The following SRPK2 variants were observed in gnomAD, a reference collection of about 807,000 sequenced individuals.
The protein encoded by SRPK2 is SRSF protein kinase 2.
SRPK2 carries 21 observed loss-of-function variants against 90.8 expected under a neutral mutation model. The observed-to-expected ratio is 0.23, with a 90% confidence interval of 0.16 to 0.33. The LOEUF (loss-of-function observed/expected upper bound fraction) is 0.33, where lower values mean the gene tolerates loss of function less well. Among genes scored for constraint, SRPK2 ranks in the 10% least tolerant of loss-of-function variants. The pLI is 1.00. For missense variants in SRPK2, 620 were observed against 869.0 expected (o/e 0.71, Z 3.60); for synonymous variants, 288 against 311.1 (o/e 0.93, Z 0.78).
chr7:105,135,542 G>A (rs780882406), intron 11 of SRPK2, among the ~76,000 whole-genome samples: 45 of 152,222 alleles, frequency 3.0e-4, no homozygotes, highest in Admixed American at 5.9e-4. Flanking sequence ...TAGACATATT[G>A]TGGTCCTCCT....
At chr7:105,198,189 A>T (rs746332030) in intron 3 of SRPK2, among the ~76,000 whole-genome samples, 1 of 152,098 alleles carries the variant, frequency 6.6e-6, no homozygotes, top group Non-Finnish European at 1.5e-5. Flanking sequence ...GAATTTGTTA[A>T]ATATTTGGAT....
intron 2 of SRPK2, chr7:105,245,034 AAC>A (rs58717493): frequency 0.058 from 30,189 of 522,324 alleles, 1,094 homozygotes; most frequent in African/African-American, 0.2. Context: ...AAACAAAACA[AAC>A]ACACACACAC....
At chr7:105,228,757 G>C (rs927766384) in intron 2 of SRPK2, among the ~76,000 whole-genome samples, 11 of 152,288 alleles carry the variant, frequency 7.2e-5, no homozygotes, top group African/African-American at 2.6e-4. Flanking sequence ...CACTCACTCT[G>C]GGGCTTCAGA....
chr7:105,372,996 G>T (rs149731724), intron 2 of SRPK2, among the ~76,000 whole-genome samples: 1 of 152,140 alleles, frequency 6.6e-6, no homozygotes, highest in African/African-American at 2.4e-5. Context: ...CACTGAGGCA[G>T]GAGAATCACT....
chr7:105,313,612 G>A (rs1346011586), intron 2 of SRPK2, among the ~76,000 whole-genome samples: 2 of 152,004 alleles, frequency 1.3e-5, no homozygotes, highest in African/African-American at 4.8e-5. Context: ...TTAGCCAGGT[G>A]TGGCGTCGTG....
At chr7:105,361,182 T>C (rs950835067) in intron 2 of SRPK2, among the ~76,000 whole-genome samples, 4 of 151,988 alleles carry the variant, frequency 2.6e-5, no homozygotes, top group African/African-American at 9.7e-5. Flanking sequence ...TATATACCAA[T>C]AACACACAGA....
chr7:105,395,958 C>T (rs79688882), intron 1 of SRPK2, among the ~76,000 whole-genome samples: 14 of 151,924 alleles, frequency 9.2e-5, no homozygotes, highest in South Asian at 4.2e-4. Context: ...TCTTGTTGCT[C>T]GGGCTGGAGT....
chr7:105,295,980 C>T (rs748949070), intron 2 of SRPK2, among the ~76,000 whole-genome samples: 7 of 152,158 alleles, frequency 4.6e-5, no homozygotes, highest in Non-Finnish European at 1.0e-4. Flanking sequence ...CTAATGAATA[C>T]TACCCAATTT....
intron 2 of SRPK2, among the ~76,000 whole-genome samples, chr7:105,214,005 C>T (rs1003410818): frequency 2.0e-5 from 3 of 152,094 alleles, no homozygotes; most frequent in Non-Finnish European, 4.4e-5. Flanking sequence ...AAGGGAAATC[C>T]TAAACCTGTG....
At chr7:105,171,962 C>G (rs574450752) in intron 3 of SRPK2, among the ~76,000 whole-genome samples, 1 of 152,144 alleles carries the variant, frequency 6.6e-6, no homozygotes, top group Non-Finnish European at 1.5e-5. Context: ...CTGGCCATCT[C>G]GGCTCACTGC....
intron 2 of SRPK2, among the ~76,000 whole-genome samples, chr7:105,206,837 A>G (rs893589402): frequency 6.6e-6 from 1 of 152,258 alleles, no homozygotes; most frequent in South Asian, 2.1e-4. Context: ...AGTGGATGGT[A>G]GAACTCTGGA....
At chr7:105,222,435 A>C (rs1212905678) in intron 2 of SRPK2, among the ~76,000 whole-genome samples, 1 of 152,258 alleles carries the variant, frequency 6.6e-6, no homozygotes, top group Non-Finnish European at 1.5e-5. Flanking sequence ...AAGGCTTAAA[A>C]CTTAAAATCT....
At chr7:105,201,800 C>T (rs1345644531) in intron 3 of SRPK2, among the ~76,000 whole-genome samples, 1 of 152,046 alleles carries the variant, frequency 6.6e-6, no homozygotes, top group Non-Finnish European at 1.5e-5. Flanking sequence ...GGGAGGATTG[C>T]TCAGGCCCAG....
chr7:105,310,999 G>A (rs1419325973), intron 2 of SRPK2, among the ~76,000 whole-genome samples: 2 of 152,044 alleles, frequency 1.3e-5, no homozygotes, highest in Admixed American at 1.3e-4. Context: ...GAGGGGCTCG[G>A]TTGTGCACAT....
At chr7:105,347,003 G>A (rs1285614270) in intron 2 of SRPK2, among the ~76,000 whole-genome samples, 2 of 151,284 alleles carry the variant, frequency 1.3e-5, no homozygotes, top group Non-Finnish European at 2.9e-5. Flanking sequence ...CACACTGCCC[G>A]GGAACCATAA....
At chr7:105,256,140 A>C (rs1453717873) in intron 2 of SRPK2, among the ~76,000 whole-genome samples, 1 of 152,200 alleles carries the variant, frequency 6.6e-6, no homozygotes, top group Non-Finnish European at 1.5e-5. Flanking sequence ...CCATTATTTC[A>C]ATCTACAGCT....
intron 2 of SRPK2, among the ~76,000 whole-genome samples, chr7:105,353,002 T>G (rs1817378698): frequency 6.6e-6 from 1 of 152,210 alleles, no homozygotes; most frequent in African/African-American, 2.4e-5. Flanking sequence ...AACATTCTAT[T>G]CCACCTTGTG....
chr7:105,248,585 G>A (rs928145131), intron 2 of SRPK2, among the ~76,000 whole-genome samples: 2 of 151,388 alleles, frequency 1.3e-5, no homozygotes, highest in African/African-American at 2.4e-5. Flanking sequence ...CCTGGTAACA[G>A]AGCAAGACCC....
At chr7:105,356,771 A>T (rs34003298) in intron 2 of SRPK2, among the ~76,000 whole-genome samples, 25,469 of 152,074 alleles carry the variant, frequency 0.17, 2,802 homozygotes, top group East Asian at 0.58. Flanking sequence ...TATTTCCAAA[A>T]TTTTCAAAAC....
Sources: allele counts gnomAD v4.1 joint callset (sites outside exome capture counted in the v4.1 genomes callset), GRCh38; gene constraint gnomAD v4.1.1; transcripts MANE v1.5; gene names NCBI Gene and HGNC (gene_info 2026-07-23, HGNC 2026-07-21).